EGFR: variants seen among roughly 807,000 people sequenced by gnomAD.
EGFR encodes epidermal growth factor receptor, also known as avian erythroblastic leukemia viral (v-erb-b) oncogene homolog.
In EGFR, 58 loss-of-function variants were observed where a neutral mutation model predicts 143.0. That is an observed-to-expected ratio of 0.41 (90% CI 0.33 to 0.50). The LOEUF is 0.50. Among genes scored for constraint, EGFR ranks in the 20% least tolerant of loss-of-function variants. The pLI is 0.39. For synonymous variants in EGFR, 613 were observed against 594.4 expected, an observed-to-expected ratio of 1.03 and a Z score of -0.45; for missense variants, 1,307 against 1,579.0, an observed-to-expected ratio of 0.83 and a Z score of 2.92.
At chr7:55,151,658 G>C (rs1785160582) in intron 5 of EGFR, among the ~76,000 whole-genome samples, 2 of 152,158 alleles carry the variant, frequency 1.3e-5, no homozygotes, top group Admixed American at 6.5e-5. Context: ...GTCGGATCAC[G>C]AGGTCAGGAG....
intron 22 of EGFR, among the ~76,000 whole-genome samples, chr7:55,197,297 T>C (rs1787659351): frequency 1.3e-5 from 2 of 152,214 alleles, no homozygotes; most frequent in South Asian, 4.1e-4. Context: ...CATTCCTGAT[T>C]TGGTTCTCAG....
chr7:55,031,025 G>A (rs1394720158), intron 1 of EGFR, among the ~76,000 whole-genome samples: 1 of 152,210 alleles, frequency 6.6e-6, no homozygotes, highest in Admixed American at 6.5e-5. Flanking sequence ...TTTTGTTATT[G>A]TTTATTCCTA....
chr7:55,152,507 T>C (rs1404435718), intron 5 of EGFR, 39 bp from the exon 6 acceptor site: 4 of 1,568,522 alleles, frequency 2.6e-6, no homozygotes, highest in Non-Finnish European at 2.6e-6. Flanking sequence ...GATCCTACCC[T>C]CACTCTTCAG....
At chr7:55,198,905 T>G (rs1787733656) in intron 23 of EGFR, 42 bp downstream of exon 23, 1 of 1,612,486 alleles carries the variant, frequency 6.2e-7, no homozygotes, top group African/African-American at 1.3e-5. Context: ...TAGCTGAGCC[T>G]TGGTGGCTGC....
At chr7:55,111,720 T>C (rs980453641) in intron 1 of EGFR, among the ~76,000 whole-genome samples, 1 of 152,182 alleles carries the variant, frequency 6.6e-6, no homozygotes, top group Non-Finnish European at 1.5e-5. Flanking sequence ...GATGTTATGA[T>C]AGCCAGCTCC....
intron 22 of EGFR, among the ~76,000 whole-genome samples, chr7:55,195,589 G>T (rs1242680322): frequency 6.6e-6 from 1 of 151,994 alleles, no homozygotes; most frequent in Non-Finnish European, 1.5e-5. Context: ...GTGTCATGGG[G>T]GTTTGTTACA....
intron 1 of EGFR, among the ~76,000 whole-genome samples, chr7:55,065,533 CA>C (rs574928168): frequency 4.5e-4 from 69 of 152,304 alleles, no homozygotes; most frequent in African/African-American, 1.6e-3. Flanking sequence ...TAAAAACTGA[CA>C]GCCAGTTTCC....
chr7:55,029,112 TCACA>T (rs1787106172), intron 1 of EGFR, among the ~76,000 whole-genome samples: 1 of 152,018 alleles, frequency 6.6e-6, no homozygotes, highest in South Asian at 2.1e-4. Flanking sequence ...TGAGCTGAGA[TCACA>T]CCACTACACT....
chr7:55,170,373 T>A (rs1786283481), intron 15 of EGFR: 1 of 1,614,092 alleles, frequency 6.2e-7, no homozygotes, highest in African/African-American at 1.3e-5. Context: ...GTAATCAAAG[T>A]AATGATGGCA....
intron 1 of EGFR, among the ~76,000 whole-genome samples, chr7:55,041,501 G>T (rs1452729486): frequency 6.6e-6 from 1 of 152,168 alleles, no homozygotes; most frequent in African/African-American, 2.4e-5. Context: ...ACCATGTACA[G>T]AGTGGACACC....
intron 17 of EGFR, among the ~76,000 whole-genome samples, chr7:55,173,698 A>G (rs796954167): frequency 6.6e-6 from 1 of 152,272 alleles, no homozygotes; most frequent in African/African-American, 2.4e-5. Context: ...GTAGCTGTTC[A>G]GTTAAAGAAC....
intron 1 of EGFR, among the ~76,000 whole-genome samples, chr7:55,036,882 G>A (rs1481056186): frequency 6.6e-6 from 1 of 152,140 alleles, no homozygotes; most frequent in Non-Finnish European, 1.5e-5. Context: ...AGAAGGACAG[G>A]GCTATTTGGG....
chr7:55,109,235 A>G (rs1049721535), intron 1 of EGFR, among the ~76,000 whole-genome samples: 2 of 152,280 alleles, frequency 1.3e-5, no homozygotes, highest in African/African-American at 4.8e-5. Flanking sequence ...CTATTTCCAC[A>G]TAAAACATAT....
chr7:55,115,057 A>C (rs894844008), intron 1 of EGFR, among the ~76,000 whole-genome samples: 2 of 151,742 alleles, frequency 1.3e-5, no homozygotes, highest in Admixed American at 1.3e-4. Flanking sequence ...AATTTTTTGT[A>C]TTTTTAGTAG....
In EGFR at chr7:55,156,669, A is replaced by AG. The variant is rs772280643; in HGVS notation, c.1133+12dup. 1 of 1,614,250 alleles carries AG rather than the reference A, an allele frequency of 6.2e-7. No homozygotes were observed. The highest frequency in any genetic ancestry group is 8.5e-7 in the Non-Finnish European group (1 of 1,180,048). On this transcript the variant is annotated intron_variant, in intron 9 of 27. Coordinates refer to ENST00000275493, the MANE Select transcript of EGFR (RefSeq NM_005228.5). ...CGGTGGCATTTAGGGGGTGAGTCAC[A>AG]GGTTCAGTTGCTTGTATAAAGAAAA...
intron 1 of EGFR, among the ~76,000 whole-genome samples, chr7:55,070,256 C>T (rs76311663): frequency 0.018 from 2,702 of 152,220 alleles, 91 homozygotes; most frequent in African/African-American, 0.062. Context: ...CCTTGCTTTT[C>T]AGGGCACAAT....
intron 19 of EGFR, among the ~76,000 whole-genome samples, chr7:55,175,876 TATTA>T (rs1324385028): frequency 1.3e-5 from 2 of 152,250 alleles, no homozygotes; most frequent in Admixed American, 6.5e-5. Context: ...TTCTTCCTTT[TATTA>T]TAGTAGGGGA....
chr7:55,081,451 C>T (rs967068701), intron 1 of EGFR, among the ~76,000 whole-genome samples: 2 of 152,150 alleles, frequency 1.3e-5, no homozygotes, highest in African/African-American at 2.4e-5. Flanking sequence ...TGCAGACTCC[C>T]GACAAAGGCC....
intron 1 of EGFR, among the ~76,000 whole-genome samples, chr7:55,139,654 T>C (rs938919966): frequency 6.6e-6 from 1 of 152,234 alleles, no homozygotes; most frequent in Admixed American, 6.5e-5. Context: ...CTTCTTATTC[T>C]CAAGTATAGA....
Sources: gnomAD v4.1 joint callset for allele counts (sites outside exome capture counted in the v4.1 genomes callset) on GRCh38, gnomAD v4.1.1 for gene constraint, MANE v1.5 for transcripts, NCBI Gene and HGNC (gene_info 2026-07-23, HGNC 2026-07-21) for gene names.